Variants in PER3 observed in about 807,000 individuals in gnomAD.
PER3 encodes period circadian protein homolog 3.
In PER3, 107 loss-of-function variants were observed where a neutral mutation model predicts 127.2. The ratio of observed to expected loss-of-function variants is 0.84; its 90% CI spans 0.72 to 0.99. The LOEUF is 0.99. Ranked by LOEUF, PER3 falls within the 50% of genes least tolerant of loss-of-function variation. The pLI, the probability that PER3 is intolerant of heterozygous loss-of-function variation, is 0.00. For synonymous variants in PER3, 618 were observed against 585.8 expected, an observed-to-expected ratio of 1.05 and a Z score of -0.79; for missense variants, 1,560 against 1,525.8, an observed-to-expected ratio of 1.02 and a Z score of -0.37.
rs1263979764 is a variant in PER3, at chr1:7,788,170, AC to A, written c.518del (p.Pro173LeufsTer4). The stretch of plus-strand genomic sequence containing the variant: ...CTTCTCACTTTGTTGACCTGCTTGC[AC>A]CTCAAGACATGAGGGTATTCTACGC... Reference protein sequence around the residue: ...ASSHFVDLLAPQDMRVFYAHT... With the variant: ...ASSHFVDLLAXQDMRVFYAHT... On this transcript the variant is annotated frameshift_variant, in exon 5 of 22. Coordinates refer to ENST00000377532, the MANE Select transcript of PER3 (RefSeq NM_001377275.1). LOFTEE classifies it high-confidence loss of function. 6 of 1,613,826 alleles carry A rather than the reference AC, an allele frequency of 3.7e-6. No individual in the cohort carries two copies. The African/African-American group carries it at 5.3e-5, about 14-fold the overall frequency.
intron 20 of PER3, chr1:7,836,728 C>T (rs1300796713): frequency 1.1e-5 from 3 of 278,132 alleles, no homozygotes; most frequent in Non-Finnish European, 2.0e-5. Context: ...TTGTTTTAGA[C>T]TCTTGATTTT....
At position 7,810,598 on chromosome 1, in the gene PER3, C is replaced by G. The variant is rs1414017816; in HGVS notation, c.1522+10C>G. 6.2e-7 allele frequency: 1 copy of G among 1,600,860 alleles called. No individual in the cohort carries two copies. The highest frequency in any genetic ancestry group is 8.5e-7 in the Non-Finnish European group (1 of 1,174,946). On this transcript the variant is annotated intron_variant, in intron 13 of 21. Coordinates refer to ENST00000377532, the MANE Select transcript of PER3 (RefSeq NM_001377275.1). ...TCAGCGAATGGTGGTGGTGAGTCAG[C>G]CGGCAGCCCCAAGGATCTCCTTCCA...
chr1:7,790,946 G>A (rs1388793178), intron 5 of PER3, among the ~76,000 whole-genome samples: 1 of 152,264 alleles, frequency 6.6e-6, no homozygotes, highest in Non-Finnish European at 1.5e-5. Context: ...GCCTTGGGCA[G>A]CTCTGCCCTT....
At chr1:7,823,740 A>C (rs2097288601) in intron 16 of PER3, among the ~76,000 whole-genome samples, 1 of 152,340 alleles carries the variant, frequency 6.6e-6, no homozygotes, top group Middle Eastern at 3.4e-3. Context: ...GCAACTGATA[A>C]AAACATAGAG....
At chr1:7,788,002 T>G in intron 4 of PER3, 43 bp from the exon 5 acceptor site, 2 of 1,361,118 alleles carry the variant, frequency 1.5e-6, no homozygotes, top group Non-Finnish European at 2.1e-6. Flanking sequence ...ATATTGCTAG[T>G]GAGTATCTCA....
In PER3 at chr1:7,835,770, G is replaced by A. The variant is rs767187979; in HGVS notation, c.3223G>A (p.Asp1075Asn). 7 of 1,602,434 alleles carry A rather than the reference G, an allele frequency of 4.4e-6. No homozygotes were observed. In the Admixed American group the frequency reaches 6.9e-5, roughly 16 times the overall value. The change falls in exon 20 of 22, where the codon GAC (aspartate) becomes AAC (asparagine). Residue 1075 changes from aspartate (D) to asparagine (N), a missense_variant. By Grantham distance (23) the Asp-to-Asn change is conservative. Coordinates refer to ENST00000377532, the MANE Select transcript of PER3 (RefSeq NM_001377275.1). ...RTGSAASGSS[D>N]SSIYLTSSVY... ...TTGTTGATTTTTGACAGGAAGCAGC[G>A]ACAGCAGTATATACCTTACTAGTAG...
chr1:7,827,274 C>A lies in PER3; in HGVS notation c.2345C>A (p.Ala782Glu). Residue 782 changes from alanine to glutamate, a missense_variant, in exon 18 of 22, where the codon GCG becomes GAG. Coordinates refer to ENST00000377532, the MANE Select transcript of PER3 (RefSeq NM_001377275.1). ...AACGCACAGCCCTGCTGCCCCTCCG[C>A]GGCCTCCTCTCCGCACACCTCGAGC... is the stretch of plus-strand genomic sequence containing the variant. ...HQNAQPCCPS[A>E]ASSPHTSSPT... 1 of 1,613,818 alleles carries A rather than the reference C, an allele frequency of 6.2e-7. No individual in the cohort carries two copies. Among genetic ancestry groups the A allele is most frequent in the Non-Finnish European group, 8.5e-7 (1 of 1,179,870 alleles).
At chr1:7,832,497 C>G (rs2097336476) in intron 19 of PER3, among the ~76,000 whole-genome samples, 1 of 151,306 alleles carries the variant, frequency 6.6e-6, no homozygotes, top group African/African-American at 2.4e-5. Context: ...CCTTAGCCTC[C>G]CGAGTAGCTG....
chr1:7,788,303 T>TA, intron 5 of PER3, 57 bp downstream of exon 5: 1 of 1,190,906 alleles, frequency 8.4e-7, no homozygotes. Context: ...GTTTCATTCT[T>TA]ACAGGAATAG....
At chr1:7,797,447 G>A (rs1224350217) in intron 6 of PER3, among the ~76,000 whole-genome samples, 5 of 151,918 alleles carry the variant, frequency 3.3e-5, no homozygotes, top group African/African-American at 4.8e-5. Context: ...CCAGCCTGAC[G>A]AACATGGTGA....
intron 6 of PER3, among the ~76,000 whole-genome samples, chr1:7,795,693 A>G (rs1238590660): frequency 6.6e-6 from 1 of 152,268 alleles, no homozygotes; most frequent in Non-Finnish European, 1.5e-5. Flanking sequence ...GGGCCACACC[A>G]CAGGGAGCAG....
chr1:7,786,073 G>A (rs1302608028), intron 3 of PER3, among the ~76,000 whole-genome samples: 4 of 152,118 alleles, frequency 2.6e-5, no homozygotes, highest in African/African-American at 4.8e-5. Flanking sequence ...TGGCTAATAC[G>A]GTGAAACCCC....
chr1:7,786,255 TA>T (rs2097090221), intron 3 of PER3, among the ~76,000 whole-genome samples: 1 of 152,118 alleles, frequency 6.6e-6, no homozygotes, highest in Non-Finnish European at 1.5e-5. Flanking sequence ...ACTCTGTCTC[TA>T]AAAAATAATA....
intron 21 of PER3, among the ~76,000 whole-genome samples, chr1:7,838,403 A>G (rs556581357): frequency 6.6e-6 from 1 of 151,932 alleles, no homozygotes; most frequent in Admixed American, 6.6e-5. Context: ...CCACTGGTCT[A>G]CTTTCTCTTT....
At chr1:7,814,777 C>T (rs1375926578) in intron 13 of PER3, among the ~76,000 whole-genome samples, 1 of 152,136 alleles carries the variant, frequency 6.6e-6, no homozygotes, top group African/African-American at 2.4e-5. Flanking sequence ...TTTGTGACAA[C>T]AATACTACAG....
In PER3 at chr1:7,784,649, C is replaced by T. The variant is rs1417620121; in HGVS notation, c.-224-5C>T. On this transcript the variant is annotated splice_region_variant and splice_polypyrimidine_tract_variant and intron_variant, in intron 1 of 21. Coordinates refer to ENST00000377532, the MANE Select transcript of PER3 (RefSeq NM_001377275.1). Reference sequence around the variant, plus strand: ...TCCCTTGTCACCCTTGTCTCCTCCCCCTAGGCCGGAGTCCTGAAAGTCGAG... The same window carrying T: ...TCCCTTGTCACCCTTGTCTCCTCCCTCTAGGCCGGAGTCCTGAAAGTCGAG... 4.5e-6 allele frequency: 2 copies of T among 446,554 alleles called. No individual in the cohort carries two copies. Among genetic ancestry groups the T allele is most frequent in the Admixed American group, 9.0e-5 (2 of 22,116 alleles). The allele number at this position is 446,554 out of a possible 1,614,324, so 27.7% of individuals were successfully genotyped here. A position where few individuals can be genotyped will look rare whatever the true frequency, so the allele number is the denominator to read the frequency against.
In PER3 at chr1:7,803,052, T is replaced by C; in HGVS notation, c.878T>C (p.Val293Ala). ...CVFLEVDEKA[V>A]PLLGYLPQDL... Reference sequence around the variant, plus strand: ...GTTGTGTATCTGTATCCCAGAGCAGTGCCTTTGCTGGGTTACCTACCTCAG... The same window carrying C: ...GTTGTGTATCTGTATCCCAGAGCAGCGCCTTTGCTGGGTTACCTACCTCAG... The change falls in exon 9 of 22, where the codon GTG becomes GCG. Residue 293 changes from valine (V) to alanine (A), a missense_variant. This residue lies in a region of PER3 where 1,332 missense variants were observed against 1,223.6 expected (regional missense o/e 1.09). Coordinates refer to ENST00000377532, the MANE Select transcript of PER3 (RefSeq NM_001377275.1). The C allele has an allele frequency of 1.3e-6, 2 of 1,583,948 alleles. No homozygotes were observed. The highest frequency in any genetic ancestry group is 1.7e-6 in the Non-Finnish European group (2 of 1,152,498).
chr1:7,823,258 AT>A (rs1410595123), intron 16 of PER3, among the ~76,000 whole-genome samples: 6 of 152,352 alleles, frequency 3.9e-5, no homozygotes, highest in African/African-American at 1.4e-4. Flanking sequence ...TGTAAAATAG[AT>A]TCCAGGACAT....
rs142701965 is a variant in PER3 at position 7,839,277 on chromosome 1, A to C, written c.3549+2128A>C. 8.1e-4 allele frequency among the ~76,000 whole-genome samples: 124 copies of C among 152,346 alleles called. 1 individual carries two copies. Among genetic ancestry groups the C allele is most frequent in the African/African-American group, 2.8e-3 (117 of 41,590 alleles). ...ACTGAAGTTATGAAATTAGGTTTTTATACGTTGTGTTTCCAAAAACATAAT... is the reference window on the plus strand; with the variant it reads ...ACTGAAGTTATGAAATTAGGTTTTTCTACGTTGTGTTTCCAAAAACATAAT... On this transcript the variant is annotated intron_variant, in intron 21 of 21. Transcript: ENST00000377532.
Sources: allele counts gnomAD v4.1 joint callset (sites outside exome capture counted in the v4.1 genomes callset), GRCh38; gene constraint gnomAD v4.1.1; regional missense constraint gnomAD v4.1.1; transcripts MANE v1.5; gene names NCBI Gene and HGNC (gene_info 2026-07-23, HGNC 2026-07-21).